Variants in STON1 observed in about 807,000 individuals in gnomAD.
STON1 encodes the protein stonin-1.
A neutral mutation model predicts 60.9 loss-of-function variants in STON1; 79 were observed. That is an observed-to-expected ratio of 1.30 (90% CI 1.08 to 1.56). The LOEUF is 1.56. Among genes scored for constraint, STON1 ranks in the 40% most tolerant of loss-of-function variants. STON1 has a pLI of 0.00. For synonymous variants in STON1, 363 were observed against 306.9 expected, an observed-to-expected ratio of 1.18 and a Z score of -1.91; for missense variants, 1,166 against 858.9, an observed-to-expected ratio of 1.36 and a Z score of -4.47.
At chr2:48,587,849 C>T (rs1674301313) in intron 2 of STON1, among the ~76,000 whole-genome samples, 1 of 152,216 alleles carries the variant, frequency 6.6e-6, no homozygotes, top group Admixed American at 6.5e-5. Flanking sequence ...AGGGAAAACA[C>T]AGTGGGGCTG....
At chr2:48,573,550 C>G (rs1434379508) in intron 1 of STON1, among the ~76,000 whole-genome samples, 1 of 151,790 alleles carries the variant, frequency 6.6e-6, no homozygotes, top group Non-Finnish European at 1.5e-5. Flanking sequence ...TTTGGGTTAC[C>G]CAAGCCCCAC....
intron 1 of STON1, among the ~76,000 whole-genome samples, chr2:48,535,162 G>A (rs1572919713): frequency 2.0e-5 from 3 of 152,012 alleles, no homozygotes; most frequent in South Asian, 2.1e-4. Context: ...GGAAAGCACC[G>A]AGGCTCAAAT....
chr2:48,585,773 A>C (rs1267238127), intron 2 of STON1, among the ~76,000 whole-genome samples: 5 of 152,246 alleles, frequency 3.3e-5, no homozygotes, highest in African/African-American at 4.8e-5. Context: ...GCAGGCTGGA[A>C]TGCCTATTGG....
At chr2:48,585,244 C>T (rs1464397275) in intron 2 of STON1, among the ~76,000 whole-genome samples, 3 of 132,700 alleles carry the variant, frequency 2.3e-5, no homozygotes, top group African/African-American at 8.1e-5. Context: ...ATGTTTCCTG[C>T]TTTCTTTTTT....
At chr2:48,575,956 C>G (rs1673468745) in intron 1 of STON1, among the ~76,000 whole-genome samples, 1 of 151,294 alleles carries the variant, frequency 6.6e-6, no homozygotes, top group Non-Finnish European at 1.5e-5. Flanking sequence ...CAGGGTTTCA[C>G]CATGTTGGCT....
chr2:48,557,580 A>G (rs1472026425), intron 1 of STON1, among the ~76,000 whole-genome samples: 2 of 116,024 alleles, frequency 1.7e-5, no homozygotes, highest in East Asian at 2.8e-4. Flanking sequence ...AGGCCAAGGC[A>G]GGCGGCTGGG....
chr2:48,580,692 C>T lies in STON1; in HGVS notation c.59C>T (p.Ser20Phe). The T allele has an allele frequency of 6.9e-7, 1 of 1,450,682 alleles. No individual in the cohort carries two copies. Among genetic ancestry groups the T allele is most frequent in the South Asian group, 1.6e-5 (1 of 60,960 alleles). 89.9% of individuals were successfully genotyped at this position (1,450,682 alleles called of 1,614,324 possible). A position where few individuals can be genotyped will look rare whatever the true frequency, so the allele number is the denominator to read the frequency against. ...VTFDDDPAVQ[S>F]SQKSKNFPLE... ...TTTGATGATGATCCTGCTGTTCAAT[C>T]TTCTCAAAAGTCAAAGAATTTTCCT... Residue 20 changes from serine to phenylalanine, a missense_variant, in exon 2 of 4, where the codon TCT becomes TTT. Coordinates refer to ENST00000404752, the MANE Select transcript of STON1 (RefSeq NM_006873.4).
At chr2:48,571,055 C>T (rs1255691426) in intron 1 of STON1, among the ~76,000 whole-genome samples, 1 of 152,000 alleles carries the variant, frequency 6.6e-6, no homozygotes, top group Non-Finnish European at 1.5e-5. Context: ...AGGGTTTCAC[C>T]ATGTTGGCCA....
intron 1 of STON1, among the ~76,000 whole-genome samples, chr2:48,553,534 C>G (rs1435106338): frequency 6.6e-6 from 1 of 152,014 alleles, no homozygotes; most frequent in African/African-American, 2.4e-5. Flanking sequence ...GTTTCCCAGG[C>G]CAGAGTGCAA....
chr2:48,564,480 T>TTCTTCTTCTTCTTTC (rs1558604783), intron 1 of STON1, among the ~76,000 whole-genome samples: 2 of 32,490 alleles, frequency 6.2e-5, no homozygotes, highest in Non-Finnish European at 6.5e-5. Flanking sequence ...CTTCTTCTTC[T>TTCTTCTTCTTCTTTC]TTCTTCTTCT....
At chr2:48,567,746 ATTC>A (rs776478296) in intron 1 of STON1, among the ~76,000 whole-genome samples, 3 of 152,094 alleles carry the variant, frequency 2.0e-5, no homozygotes, top group Non-Finnish European at 2.9e-5. Flanking sequence ...CCTTAAGAAA[ATTC>A]TTCACAGCTG....
chr2:48,537,815 C>T, intron 1 of STON1, among the ~76,000 whole-genome samples: 1 of 149,230 alleles, frequency 6.7e-6, no homozygotes, highest in Non-Finnish European at 1.5e-5. Context: ...GCACCACTGC[C>T]CTCCAGACTG....
At chr2:48,575,758 T>A (rs959539797) in intron 1 of STON1, among the ~76,000 whole-genome samples, 13 of 133,070 alleles carry the variant, frequency 9.8e-5, no homozygotes, top group African/African-American at 3.5e-4. Context: ...AGTTTTTGTT[T>A]GTTTTTTTTT....
chr2:48,573,708 G>A (rs369544032), intron 1 of STON1, among the ~76,000 whole-genome samples: 56 of 152,274 alleles, frequency 3.7e-4, no homozygotes, highest in African/African-American at 1.3e-3. Context: ...AGGATCACAC[G>A]AAACTTATAC....
rs1217051675 is a variant in STON1, at chr2:48,571,222, C to G, written c.-47-9365C>G. 2.0e-5 allele frequency among the ~76,000 whole-genome samples: 3 copies of G among 152,170 alleles called. No homozygotes were observed. The South Asian group carries it at 6.2e-4, about 32-fold the overall frequency. ...CAGGGTATTCCAGATTGAAAGTAGA[C>G]CTTTGAAAAGTATGGGGCATGCAGG... On this transcript the variant is annotated intron_variant, in intron 1 of 3. Transcript: ENST00000404752.
chr2:48,581,272 G>C lies in STON1; in HGVS notation c.639G>C (p.Glu213Asp). The change falls in exon 2 of 4, where the codon GAG becomes GAC. Residue 213 changes from glutamate to aspartate, a missense_variant. Physicochemically the swap from Glu to Asp is conservative, Grantham distance 45. Transcript: ENST00000404752. ...SKKMFSSRNK[E>D]MPIDQKSLNK... ...AGATGTTCTCATCAAGAAACAAGGA[G>C]ATGCCTATTGACCAAAAAAGCCTAA... 1 of 1,518,936 alleles carries C rather than the reference G, an allele frequency of 6.6e-7. No homozygotes were observed. The highest frequency in any genetic ancestry group is 1.3e-5 in the South Asian group (1 of 74,452). 94.1% of individuals were successfully genotyped at this position (1,518,936 alleles called of 1,614,324 possible). A position where few individuals can be genotyped will look rare whatever the true frequency, so the allele number is the denominator to read the frequency against.
intron 1 of STON1, among the ~76,000 whole-genome samples, chr2:48,576,784 G>A (rs1043446295): frequency 2.0e-5 from 3 of 151,990 alleles, no homozygotes; most frequent in Non-Finnish European, 4.4e-5. Flanking sequence ...GGCCGGGCGC[G>A]GTGGCTCACG....
Position 48,581,386 on chromosome 2 carries a change from C to T in STON1, c.753C>T (p.His251=). 1 of 1,598,070 alleles carries T rather than the reference C, an allele frequency of 6.3e-7. No individual in the cohort carries two copies. The highest frequency in any genetic ancestry group is 1.1e-5 in the South Asian group (1 of 87,960). The change falls in exon 2 of 4, where the codon CAC becomes CAT. Residue 251 remains histidine (H), a synonymous_variant. Transcript: ENST00000404752. ...NQDSLRSLSM[H]CLCAEENASS... ...ACTCACTTAGAAGTTTGTCTATGCA[C>T]TGTCTATGTGCTGAAGAAAATGCCT...
Position 48,591,824 on chromosome 2 carries a change from A to G in STON1, c.2102A>G (p.His701Arg). Residue 701 changes from histidine to arginine, a missense_variant, in exon 3 of 4, where the codon CAT becomes CGT. By Grantham distance (29) the His-to-Arg change is conservative (BLOSUM62 0). Transcript: ENST00000404752. Reference sequence around the variant, plus strand: ...GAGAGTGATGTCCAGCCACAGAAACATGTTCAGCAGCGAGCTTGCTACAAC... The same window carrying G: ...GAGAGTGATGTCCAGCCACAGAAACGTGTTCAGCAGCGAGCTTGCTACAAC... ...GVESDVQPQK[H>R]VQQRACYNIQ... The G allele has an allele frequency of 6.2e-7, 1 of 1,614,176 alleles. No homozygotes were observed. The highest frequency in any genetic ancestry group is 8.5e-7 in the Non-Finnish European group (1 of 1,180,010).
Sources: allele counts gnomAD v4.1 joint callset (sites outside exome capture counted in the v4.1 genomes callset), GRCh38; gene constraint gnomAD v4.1.1; transcripts MANE v1.5; gene names NCBI Gene and HGNC (gene_info 2026-07-23, HGNC 2026-07-21).